DAB2IP: variants seen among roughly 807,000 people sequenced by gnomAD.
DAB2IP encodes DAB2 interacting protein, also known as disabled homolog 2-interacting protein.
DAB2IP carries 28 observed loss-of-function variants against 107.2 expected under a neutral mutation model. The observed-to-expected ratio is 0.26, with a 90% CI of 0.19 to 0.36. The LOEUF (loss-of-function observed/expected upper bound fraction) is 0.36. Among genes scored for constraint, DAB2IP ranks in the 10% least tolerant of loss-of-function variants. DAB2IP has a pLI of 1.00. For missense variants in DAB2IP, 1,400 were observed against 1,644.7 expected, an observed-to-expected ratio of 0.85 and a Z score of 2.57; for synonymous variants, 755 against 706.4, an observed-to-expected ratio of 1.07 and a Z score of -1.09.
upstream of DAB2IP, among the ~76,000 whole-genome samples, chr9:121,647,917 G>A (rs755172509): frequency 2.7e-5 from 4 of 150,856 alleles, no homozygotes; most frequent in African/African-American, 7.3e-5. Context: ...ATACTACTCC[G>A]CCATACAAAG....
intron 1 of DAB2IP, among the ~76,000 whole-genome samples, chr9:121,642,035 CTTTCTTTCTTTCTT>C (rs1832362375): frequency 2.6e-5 from 1 of 38,032 alleles, no homozygotes; most frequent in Non-Finnish European, 4.6e-5. Context: ...CTCTCTCTTT[CTTTCTTTCTTTCTT>C]TCTTTCTTTC....
At chr9:121,646,406 G>T (rs1278316112) in intron 1 of DAB2IP, among the ~76,000 whole-genome samples, 1 of 152,112 alleles carries the variant, frequency 6.6e-6, no homozygotes, top group Non-Finnish European at 1.5e-5. Flanking sequence ...CGGATGAACA[G>T]TGGATGCAGG....
At chr9:121,629,507 C>T (rs959574710) in intron 1 of DAB2IP, among the ~76,000 whole-genome samples, 2 of 152,116 alleles carry the variant, frequency 1.3e-5, no homozygotes, top group African/African-American at 2.4e-5. Context: ...GCCGGGCAGG[C>T]GCCGGGCAGA....
chr9:121,616,239 CTGT>C (rs765552414), intron 1 of DAB2IP, among the ~76,000 whole-genome samples: 1 of 152,188 alleles, frequency 6.6e-6, no homozygotes, highest in Non-Finnish European at 1.5e-5. Flanking sequence ...GAAGAGCCTT[CTGT>C]TTATTGAGGC....
intron 1 of DAB2IP, among the ~76,000 whole-genome samples, chr9:121,597,950 C>T (rs1421308616): frequency 6.6e-6 from 1 of 152,208 alleles, no homozygotes; most frequent in Non-Finnish European, 1.5e-5. Flanking sequence ...GGGCTGAGAC[C>T]CCATTTCTGG....
chr9:121,705,526 G>T (rs992989015), intron 3 of DAB2IP, among the ~76,000 whole-genome samples: 8 of 152,228 alleles, frequency 5.3e-5, no homozygotes, highest in African/African-American at 1.9e-4. Context: ...GTATGCATCT[G>T]CCAGTTGTTT....
chr9:121,778,215 TATAAA>T (rs1835341224), intron 14 of DAB2IP, among the ~76,000 whole-genome samples: 1 of 152,196 alleles, frequency 6.6e-6, no homozygotes, highest in Admixed American at 6.5e-5. Flanking sequence ...TCTTGTATAA[TATAAA>T]AGCACTAATT....
intron 3 of DAB2IP, among the ~76,000 whole-genome samples, chr9:121,734,787 C>T (rs747372116): frequency 1.2e-4 from 18 of 152,224 alleles, no homozygotes; most frequent in Non-Finnish European, 2.4e-4. Context: ...GGGTGAGGCA[C>T]ACTTTCAGAT....
At chr9:121,624,692 G>A (rs1831580916) in intron 1 of DAB2IP, among the ~76,000 whole-genome samples, 1 of 152,214 alleles carries the variant, frequency 6.6e-6, no homozygotes, top group Non-Finnish European at 1.5e-5. Context: ...GCCTAGGCGT[G>A]CAGTAGGCTA....
intron 6 of DAB2IP, among the ~76,000 whole-genome samples, chr9:121,762,978 G>A (rs927353661): frequency 6.6e-6 from 1 of 152,190 alleles, no homozygotes; most frequent in African/African-American, 2.4e-5. Flanking sequence ...TCACCTGCCT[G>A]AGCATGGTGG....
intron 14 of DAB2IP, among the ~76,000 whole-genome samples, chr9:121,778,450 G>A (rs1265574812): frequency 1.3e-5 from 2 of 152,108 alleles, no homozygotes; most frequent in African/African-American, 4.8e-5. Context: ...CCTTTTTATT[G>A]GAGTGTTTTG....
intron 1 of DAB2IP, among the ~76,000 whole-genome samples, chr9:121,604,699 G>A (rs1394840638): frequency 6.6e-6 from 1 of 152,194 alleles, no homozygotes; most frequent in Non-Finnish European, 1.5e-5. Context: ...CTCCGGGCTT[G>A]TAGCTCTTTC....
At chr9:121,622,025 G>T (rs1281751457) in intron 1 of DAB2IP, among the ~76,000 whole-genome samples, 7 of 120,886 alleles carry the variant, frequency 5.8e-5, no homozygotes, top group Middle Eastern at 8.5e-3. Context: ...GTCTCGCTCT[G>T]TCGCCCAGGC....
chr9:121,682,458 G>C (rs1044620148), intron 2 of DAB2IP, among the ~76,000 whole-genome samples: 1 of 152,204 alleles, frequency 6.6e-6, no homozygotes, highest in Non-Finnish European at 1.5e-5. Flanking sequence ...GGCCTGGGAA[G>C]GGCTTGTCAG....
chr9:121,762,483 A>G (rs983322524), intron 6 of DAB2IP, among the ~76,000 whole-genome samples: 1 of 152,198 alleles, frequency 6.6e-6, no homozygotes, highest in Non-Finnish European at 1.5e-5. Context: ...CAGGAAGCCA[A>G]TGACAGCTTC....
At chr9:121,645,704 G>A (rs181803149) in intron 1 of DAB2IP, among the ~76,000 whole-genome samples, 28 of 152,320 alleles carry the variant, frequency 1.8e-4, no homozygotes, top group Non-Finnish European at 4.0e-4. Context: ...TGGGTAAGCA[G>A]CTGATTTTGA....
At chr9:121,617,202 G>A (rs1191273371) in intron 1 of DAB2IP, among the ~76,000 whole-genome samples, 1 of 152,176 alleles carries the variant, frequency 6.6e-6, no homozygotes, top group African/African-American at 2.4e-5. Context: ...GCACGCGCCT[G>A]TAATCCCAGC....
At chr9:121,783,738 C>T (rs1250761076) in exon 16 of DAB2IP, 14 of 763,606 alleles carry the variant, frequency 1.8e-5, no homozygotes, top group Admixed American at 2.2e-5. Flanking sequence ...AGGACCCAGG[C>T]GCTGCATACA....
intron 3 of DAB2IP, among the ~76,000 whole-genome samples, chr9:121,744,141 T>C (rs1832551552): frequency 6.6e-6 from 1 of 152,174 alleles, no homozygotes; most frequent in Non-Finnish European, 1.5e-5. Flanking sequence ...TTTGGCTGGC[T>C]GGGTGGGGCT....
Sources: allele counts gnomAD v4.1 joint callset (sites outside exome capture counted in the v4.1 genomes callset), GRCh38; gene constraint gnomAD v4.1.1; transcripts MANE v1.5; gene names NCBI Gene and HGNC (gene_info 2026-07-23, HGNC 2026-07-21).